Variants in TCEAL4 observed in about 807,000 individuals in gnomAD.
The protein encoded by TCEAL4 is transcription elongation factor A like 4.
In TCEAL4, 1 loss-of-function variant was observed where a neutral mutation model predicts 1.3. The observed-to-expected ratio is 0.79, with a 90% CI of 0.28 to 3.76. The LOEUF is 3.76. TCEAL4 is among the 30% of genes most tolerant of loss of function. The pLI is 0.18. For missense variants in TCEAL4, 129 were observed against 154.7 expected, an observed-to-expected ratio of 0.83 and a Z score of 0.88; for synonymous variants, 54 against 50.7, an observed-to-expected ratio of 1.06 and a Z score of -0.28.
At chrX:103,586,411 C>A in intron 2 of TCEAL4, 120 bp downstream of exon 2, 1 of 921,402 alleles carries the variant, frequency 1.1e-6, no homozygotes, top group Non-Finnish European at 1.5e-6. Flanking sequence ...ACACACCTTA[C>A]CAGGCTGAAC....
chrX:103,582,987 G>A (rs1603160274), upstream of TCEAL4, among the ~76,000 whole-genome samples: 1 of 111,334 alleles, frequency 9.0e-6, no homozygotes, highest in East Asian at 2.8e-4. Flanking sequence ...ATCTGACAAA[G>A]GTCTAATATC....
At chrX:103,581,706 A>G (rs775853006), upstream of TCEAL4, among the ~76,000 whole-genome samples, 1 of 112,177 alleles carries the variant, frequency 8.9e-6, no homozygotes, top group Non-Finnish European at 1.9e-5. Context: ...TTTATGTTAA[A>G]AACTCTCAAT....
At chrX:103,585,876 C>G (rs915700410) in intron 1 of TCEAL4, 1 of 1,047,527 alleles carries the variant, frequency 9.5e-7, no homozygotes, top group Non-Finnish European at 1.3e-6. Flanking sequence ...CTCTTCTCTG[C>G]CCTCCGTCCA....
intron 2 of TCEAL4, 42 bp downstream of exon 2, chrX:103,586,333 G>C: frequency 1.7e-6 from 2 of 1,159,111 alleles, no homozygotes; most frequent in Non-Finnish European, 2.3e-6. Flanking sequence ...GGCCCACAAG[G>C]GTTGAGAGTG....
In TCEAL4 at chrX:103,587,062, A is replaced by G; in HGVS notation, c.387A>G (p.Lys129=). The part of the protein sequence containing the change: ...EDDVPRKAKR[K]TNKGLAHYLK... ...ATGTACCCAGGAAAGCCAAAAGAAA[A>G]ACTAATAAGGGGCTGGCTCATTACC... The change falls in exon 3 of 3, where the codon AAA becomes AAG. Residue 129 remains lysine (K), a synonymous_variant. Transcript: ENST00000472484. 1 of 1,211,538 alleles carries G rather than the reference A, an allele frequency of 8.3e-7. No individual in the cohort carries two copies. The highest frequency in any genetic ancestry group is 1.1e-6 in the Non-Finnish European group (1 of 895,498).
At chrX:103,577,550 ATGTT>A (rs2073489834) in intron 2 of TCEAL4, among the ~76,000 whole-genome samples, 1 of 111,982 alleles carries the variant, frequency 8.9e-6, no homozygotes, top group Non-Finnish European at 1.9e-5. Context: ...CATTATATGT[ATGTT>A]TGATTTTCTG....
chrX:103,583,454 A>C (rs1223209704), upstream of TCEAL4, among the ~76,000 whole-genome samples: 8 of 112,368 alleles, frequency 7.1e-5, no homozygotes, highest in African/African-American at 2.3e-4. Context: ...AAAGATATGG[A>C]ATCAACTGAA....
chrX:103,583,671 C>T (rs1458038298), upstream of TCEAL4, among the ~76,000 whole-genome samples: 7 of 111,559 alleles, frequency 6.3e-5, no homozygotes, highest in African/African-American at 2.3e-4. Flanking sequence ...CACATGGACA[C>T]ATGTCAGGGA....
At chrX:103,586,315 T>C in intron 2 of TCEAL4, 24 bp downstream of exon 2, 1 of 1,164,855 alleles carries the variant, frequency 8.6e-7, no homozygotes, top group Non-Finnish European at 1.1e-6. Context: ...CGGGGCTGCA[T>C]GGACAGGGGC....
intron 1 of TCEAL4, among the ~76,000 whole-genome samples, chrX:103,576,843 C>A (rs1168402009): frequency 8.9e-6 from 1 of 111,997 alleles, no homozygotes; most frequent in Non-Finnish European, 1.9e-5. Flanking sequence ...TCCAAGAGGG[C>A]TCACTAAGAG....
In TCEAL4 at chrX:103,585,516, C is replaced by T. The variant is rs1356575751; in HGVS notation, c.-209C>T. 7 of 1,142,089 alleles carry T rather than the reference C, an allele frequency of 6.1e-6. No homozygotes were observed. The highest frequency in any genetic ancestry group is 8.2e-6 in the Non-Finnish European group (7 of 857,533). 94.1% of individuals were successfully genotyped at this position (1,142,089 alleles called of 1,213,427 possible). A position where few individuals can be genotyped will look rare whatever the true frequency, so the allele number is the denominator to read the frequency against. On this transcript the variant is annotated 5_prime_UTR_variant, in exon 1 of 3. Coordinates refer to ENST00000472484, the MANE Select transcript of TCEAL4 (RefSeq NM_001006935.3). ...TGGGCTGCGGCATTCACGTGATCTGCACGGGCGCAGATGTAGGCACCGGTC... is the reference window on the plus strand; with the variant it reads ...TGGGCTGCGGCATTCACGTGATCTGTACGGGCGCAGATGTAGGCACCGGTC...
exon 1 of TCEAL4, chrX:103,576,480 G>A: frequency 8.6e-7 from 1 of 1,165,419 alleles, no homozygotes; most frequent in Non-Finnish European, 1.1e-6. Context: ...ATGCCAGCTG[G>A]AGGCCAGGCG....
upstream of TCEAL4, among the ~76,000 whole-genome samples, chrX:103,585,244 A>C (rs1210165500): frequency 9.0e-6 from 1 of 110,906 alleles, no homozygotes; most frequent in Admixed American, 9.6e-5. Context: ...CATTCATACG[A>C]TTTTATCGGG....
rs373572799 is a variant in TCEAL4 at position 103,585,645 on chromosome X, C to T, written c.-101+21C>T. ...TCCAGGTCAGTGTGCGGGCCTTCCA[C>T]GCTGCCAGCGGAACACTGGAATGGC... On this transcript the variant is annotated intron_variant, in intron 1 of 2. Coordinates refer to ENST00000472484, the MANE Select transcript of TCEAL4 (RefSeq NM_001006935.3). 1.7e-4 allele frequency: 199 copies of T among 1,160,539 alleles called. No individual in the cohort carries two copies. In the African/African-American group the frequency reaches 2.7e-3, roughly 16 times the overall value.
At chrX:103,585,704 G>C (rs1007975766) in intron 1 of TCEAL4, 80 bp downstream of exon 1, 1 of 1,161,248 alleles carries the variant, frequency 8.6e-7, no homozygotes. Context: ...GGGAAAGGCT[G>C]GGGGTGGGGT....
upstream of TCEAL4, among the ~76,000 whole-genome samples, chrX:103,581,819 T>C (rs1306575102): frequency 8.9e-6 from 1 of 111,853 alleles, no homozygotes; most frequent in African/African-American, 3.2e-5. Flanking sequence ...GGCATTCCCC[T>C]TGAAAACCAG....
intron 1 of TCEAL4, 53 bp from the exon 2 acceptor site, chrX:103,586,166 G>C: frequency 8.6e-7 from 1 of 1,161,749 alleles, no homozygotes; most frequent in Non-Finnish European, 1.1e-6. Flanking sequence ...AACCGCGTCC[G>C]TGTGAGCCCG....
Position 103,586,765 on chromosome X carries a change from A to G in TCEAL4, c.90A>G (p.Pro30=), listed in dbSNP as rs754865396. ...NEEQPQDERK[P]EVTCTLEDKK... ...AACAGCCACAAGACGAGAGAAAGCC[A>G]GAAGTAACTTGTACTCTGGAAGACA... Residue 30 remains proline, a synonymous_variant, in exon 3 of 3, where the codon CCA becomes CCG. Coordinates refer to ENST00000472484, the MANE Select transcript of TCEAL4 (RefSeq NM_001006935.3). 6.6e-6 allele frequency: 8 copies of G among 1,212,185 alleles called. No individual in the cohort carries two copies. Among genetic ancestry groups the G allele is most frequent in the Non-Finnish European group, 6.7e-6 (6 of 895,524 alleles).
chrX:103,581,777 G>A (rs1420290155), upstream of TCEAL4, among the ~76,000 whole-genome samples: 1 of 111,780 alleles, frequency 8.9e-6, no homozygotes, highest in African/African-American at 3.3e-5. Flanking sequence ...CAAACCCACA[G>A]TCAATATCAG....
Sources: gnomAD v4.1 joint callset for allele counts (sites outside exome capture counted in the v4.1 genomes callset) on GRCh38, gnomAD v4.1.1 for gene constraint, MANE v1.5 for transcripts, NCBI Gene and HGNC (gene_info 2026-07-23, HGNC 2026-07-21) for gene names.